PCDHGB1: variants seen among roughly 807,000 people sequenced by gnomAD.
PCDHGB1 encodes protocadherin gamma-B1.
Under a neutral mutation model 56.6 loss-of-function variants are expected in PCDHGB1, and 34 were observed. That is an observed-to-expected ratio of 0.60 (90% CI 0.46 to 0.80). The LOEUF is 0.80. Ranked by LOEUF, PCDHGB1 falls within the 30% of genes least tolerant of loss-of-function variation. PCDHGB1 has a pLI of 0.00. For missense variants in PCDHGB1, 1,278 were observed against 1,204.6 expected, an observed-to-expected ratio of 1.06 and a Z score of -0.90; for synonymous variants, 561 against 505.9, an observed-to-expected ratio of 1.11 and a Z score of -1.46.
rs760722908 is a variant in PCDHGB1 at position 141,362,262 on chromosome 5, G to A, written c.2409+9593G>A. On this transcript the variant is annotated intron_variant, in intron 1 of 3. Coordinates refer to ENST00000523390, the MANE Select transcript of PCDHGB1 (RefSeq NM_018922.3). ...TGCTCTTCTTCCTCGCGGTGATTCT[G>A]GCAATCTCCCTGCGCCTGCGACTCT... 5.0e-6 allele frequency: 8 copies of A among 1,613,888 alleles called. No homozygotes were observed. In the Admixed American group the frequency reaches 5.0e-5, roughly 10 times the overall value.
Position 141,493,404 on chromosome 5 carries a change from C to T in PCDHGB1, c.2410-1403C>T, listed in dbSNP as rs2099748048. Among the ~76,000 whole-genome samples, 1 of 152,148 alleles carries T rather than the reference C, an allele frequency of 6.6e-6. No individual in the cohort carries two copies. Among genetic ancestry groups the T allele is most frequent in the South Asian group, 2.1e-4 (1 of 4,826 alleles). ...CTTGAGGACAGGAGAGGGGAGTTGC[C>T]TCTGCTGGGATTTTGCTTCTGCTGG... On this transcript the variant is annotated intron_variant, in intron 1 of 3. Transcript: ENST00000523390. The surrounding 1 kb of genome is among the most constrained non-coding windows in gnomAD (Gnocchi z 4.3).
chr5:141,360,495 A>G, intron 1 of PCDHGB1: 1 of 1,613,988 alleles, frequency 6.2e-7, no homozygotes, highest in Non-Finnish European at 8.5e-7. Context: ...TCTACATAGC[A>G]GTAATTGTGC....
intron 1 of PCDHGB1, among the ~76,000 whole-genome samples, chr5:141,492,103 T>G (rs1458656062): frequency 6.6e-6 from 1 of 152,134 alleles, no homozygotes; most frequent in Non-Finnish European, 1.5e-5. Flanking sequence ...GTCTGTAGAT[T>G]TCCTCTTCGA....
At chr5:141,448,069 T>C (rs1184496754) in intron 1 of PCDHGB1, among the ~76,000 whole-genome samples, 1 of 151,202 alleles carries the variant, frequency 6.6e-6, no homozygotes, top group Non-Finnish European at 1.5e-5. Context: ...CTGGGCAACA[T>C]GAACGAAATG....
At chr5:141,374,150 C>T in intron 1 of PCDHGB1, 1 of 1,611,806 alleles carries the variant, frequency 6.2e-7, no homozygotes, top group Non-Finnish European at 8.5e-7. Context: ...CCTGGGGACG[C>T]TGTGGGGGGC....
rs1466347143 is a variant in PCDHGB1 at position 141,351,985 on chromosome 5, A to C, written c.1725A>C (p.Pro575=). ...PDGSALFDMV[P]RAAEPGYLVT... ...GCTCCGCCCTCTTCGATATGGTGCC[A>C]CGCGCCGCAGAGCCCGGCTACCTGG... is the stretch of plus-strand genomic sequence containing the variant. The change falls in exon 1 of 4, where the codon CCA becomes CCC. Residue 575 remains proline (P), a synonymous_variant. Transcript: ENST00000523390. 3 of 1,611,418 alleles carry C rather than the reference A, an allele frequency of 1.9e-6. No individual in the cohort carries two copies. Among genetic ancestry groups the C allele is most frequent in the Non-Finnish European group, 2.5e-6 (3 of 1,179,578 alleles).
chr5:141,481,901 G>A (rs1297925755), intron 1 of PCDHGB1, among the ~76,000 whole-genome samples: 2 of 125,298 alleles, frequency 1.6e-5, no homozygotes, highest in Non-Finnish European at 3.2e-5. Context: ...GTGAAAGAGC[G>A]AAACTCCATC....
Position 141,351,680 on chromosome 5 carries a change from G to A in PCDHGB1, c.1420G>A (p.Asp474Asn). 1.9e-6 allele frequency: 3 copies of A among 1,613,972 alleles called. No homozygotes were observed. The highest frequency in any genetic ancestry group is 2.2e-5 in the South Asian group (2 of 91,086). ...GASIAQVSAS[D>N]PDLGPNGRVS... Reference sequence around the variant, plus strand: ...CTCCATTGCACAAGTAAGCGCCTCCGACCCGGATTTGGGACCCAACGGCAG... The same window carrying A: ...CTCCATTGCACAAGTAAGCGCCTCCAACCCGGATTTGGGACCCAACGGCAG... Residue 474 changes from aspartate to asparagine, a missense_variant, in exon 1 of 4, where the codon GAC (aspartate) becomes AAC (asparagine). Transcript: ENST00000523390.
At chr5:141,497,540 C>T (rs866982821) in intron 2 of PCDHGB1, among the ~76,000 whole-genome samples, 5 of 134,944 alleles carry the variant, frequency 3.7e-5, no homozygotes, top group African/African-American at 1.1e-4. Context: ...TGCAACAAAC[C>T]TTTTTTTTTT....
chr5:141,409,948 A>G, intron 1 of PCDHGB1: 1 of 1,613,348 alleles, frequency 6.2e-7, no homozygotes, highest in South Asian at 1.1e-5. Context: ...CTCGCTCTGC[A>G]GAGCCCGGCT....
intron 1 of PCDHGB1, chr5:141,374,957 TTC>T (rs1770979960): frequency 6.2e-7 from 1 of 1,613,926 alleles, no homozygotes; most frequent in Non-Finnish European, 8.5e-7. Context: ...CTCACAAATT[TTC>T]TGTTTGAATG....
chr5:141,481,900 C>T (rs949418188), intron 1 of PCDHGB1, among the ~76,000 whole-genome samples: 13 of 126,002 alleles, frequency 1.0e-4, no homozygotes, highest in African/African-American at 3.2e-4. Flanking sequence ...GGTGAAAGAG[C>T]GAAACTCCAT....
At position 141,374,269 on chromosome 5, in the gene PCDHGB1, C is replaced by T. The variant is rs372510702; in HGVS notation, c.2409+21600C>T. The stretch of plus-strand genomic sequence containing the variant: ...TGGAGCCCCAGGAGTTGGCGGAGCA[C>T]GGAGTCCGCATCGTCTCCAGAGGTA... On this transcript the variant is annotated intron_variant, in intron 1 of 3. Transcript: ENST00000523390. 9.5e-5 allele frequency: 154 copies of T among 1,614,002 alleles called. No homozygotes were observed. In the African/African-American group the frequency reaches 1.8e-3, roughly 19 times the overall value.
In PCDHGB1 at chr5:141,350,941, C is replaced by G. The variant is rs374757232; in HGVS notation, c.681C>G (p.Ile227Met). Residue 227 changes from isoleucine to methionine, a missense_variant, in exon 1 of 4, where the codon ATC becomes ATG. Coordinates refer to ENST00000523390, the MANE Select transcript of PCDHGB1 (RefSeq NM_018922.3). Reference protein sequence around the residue: ...PPLSGTTHIWIRVTDANDNAP... With the variant: ...PPLSGTTHIWMRVTDANDNAP... ...TAAGCGGCACCACCCATATCTGGAT[C>G]CGAGTTACGGATGCCAATGATAATG... 4.3e-6 allele frequency: 7 copies of G among 1,613,958 alleles called. No individual in the cohort carries two copies. Among genetic ancestry groups the G allele is most frequent in the Non-Finnish European group, 5.9e-6 (7 of 1,179,920 alleles).
Position 141,494,842 on chromosome 5 carries a change from G to A in PCDHGB1, c.2445G>A (p.Gln815=). 1 of 1,614,116 alleles carries A rather than the reference G, an allele frequency of 6.2e-7. No homozygotes were observed. Among genetic ancestry groups the A allele is most frequent in the Non-Finnish European group, 8.5e-7 (1 of 1,180,018 alleles). The change falls in exon 2 of 4, where the codon CAG becomes CAA. Residue 815 remains glutamine, a synonymous_variant. Coordinates refer to ENST00000523390, the MANE Select transcript of PCDHGB1 (RefSeq NM_018922.3). ...APPNTDWRFS[Q]AQRPGTSGSQ... is the part of the protein sequence containing the mutation. ...CCAACACGGACTGGCGTTTCTCTCA[G>A]GCCCAGAGACCCGGCACCAGCGGGT... is the stretch of plus-strand genomic sequence containing the variant.
rs753202774 is a variant in PCDHGB1, at chr5:141,487,875, C to A, written c.2410-6932C>A. 33 of 828,628 alleles carry A rather than the reference C, an allele frequency of 4.0e-5. No individual in the cohort carries two copies. Among genetic ancestry groups the A allele is most frequent in the Non-Finnish European group, 5.8e-5 (31 of 536,030 alleles). The allele number at this position is 828,628 out of a possible 1,614,324, so 51.3% of individuals were successfully genotyped here. A position where few individuals can be genotyped will look rare whatever the true frequency, so the allele number is the denominator to read the frequency against. The stretch of plus-strand genomic sequence containing the variant: ...AAGTAATTGGTGATCAAGAGCCAGG[C>A]TGTTGTGGAAGCATGATGATGGAAT... On this transcript the variant is annotated intron_variant, in intron 1 of 3. Coordinates refer to ENST00000523390, the MANE Select transcript of PCDHGB1 (RefSeq NM_018922.3). The surrounding 1 kb of genome is among the most constrained non-coding windows in gnomAD (Gnocchi z 5.0).
At chr5:141,391,974 C>T (rs2092450559) in intron 1 of PCDHGB1, 1 of 152,032 alleles carries the variant, frequency 6.6e-6, no homozygotes. Flanking sequence ...AATAAAATAG[C>T]AAAACAATGT....
Position 141,415,225 on chromosome 5 carries a change from T to C in PCDHGB1, c.2409+62556T>C, listed in dbSNP as rs189700811. On this transcript the variant is annotated intron_variant, in intron 1 of 3. Transcript: ENST00000523390. ...CCTGGCGGACCTCGGCAGCTTCGAG[T>C]CTCCAGCTAACTCTGAAACCTCAGA... 12,267 of 1,614,024 alleles carry C rather than the reference T, an allele frequency of 7.6e-3. 74 individuals carry two copies. Among genetic ancestry groups the C allele is most frequent in the Non-Finnish European group, 9.2e-3 (10,854 of 1,180,002 alleles).
At position 141,414,415 on chromosome 5, in the gene PCDHGB1, C is replaced by T. The variant is rs769791452; in HGVS notation, c.2409+61746C>T. ...TTACAGATTGGTGATACACAGAGCC[C>T]TTGACAGGGAACAGGTATCCTCTTA... On this transcript the variant is annotated intron_variant, in intron 1 of 3. Coordinates refer to ENST00000523390, the MANE Select transcript of PCDHGB1 (RefSeq NM_018922.3). The T allele has an allele frequency of 2.5e-6, 4 of 1,613,758 alleles. No individual in the cohort carries two copies. Among genetic ancestry groups the T allele is most frequent in the Non-Finnish European group, 8.5e-7 (1 of 1,179,880 alleles).
Sources: allele counts gnomAD v4.1 joint callset (sites outside exome capture counted in the v4.1 genomes callset), GRCh38; gene constraint gnomAD v4.1.1; non-coding constraint Gnocchi (gnomAD v3.1); transcripts MANE v1.5; gene names NCBI Gene and HGNC (gene_info 2026-07-23, HGNC 2026-07-21).